INF2: variants seen among roughly 807,000 people sequenced by gnomAD.
The protein encoded by INF2 is inverted formin 2, also known as inverted formin-2.
INF2 carries 43 observed loss-of-function variants against 123.5 expected under a neutral mutation model. That is an observed-to-expected ratio of 0.35 (90% CI 0.27 to 0.45). The LOEUF (loss-of-function observed/expected upper bound fraction) is 0.45, where lower values mean the gene tolerates loss of function less well. Among genes scored for constraint, INF2 ranks in the 20% least tolerant of loss-of-function variants. The pLI, the probability that INF2 is intolerant of heterozygous loss-of-function variation, is 1.00. For synonymous variants in INF2, 851 were observed against 745.0 expected (o/e 1.14, Z -2.32); for missense variants, 1,453 against 1,682.7 (o/e 0.86, Z 2.39).
intron 1 of INF2, 93 bp downstream of exon 1, chr14:104,689,832 C>T (rs757547596): frequency 2.0e-4 from 149 of 761,300 alleles, no homozygotes; most frequent in Non-Finnish European, 2.3e-4. Context: ...AGCGAGGTTC[C>T]GGGCTGCGGC....
chr14:104,692,457 G>C (rs1889000827), intron 1 of INF2, among the ~76,000 whole-genome samples: 1 of 152,212 alleles, frequency 6.6e-6, no homozygotes, highest in African/African-American at 2.4e-5. Flanking sequence ...GCCCCACAGA[G>C]TAGCTGGAGG....
intron 21 of INF2, 24 bp downstream of exon 21, chr14:104,714,880 C>T: frequency 6.6e-7 from 1 of 1,514,472 alleles, no homozygotes; most frequent in Non-Finnish European, 8.8e-7. Context: ...GGGCCCCGGG[C>T]ACCGTCCCAC....
At position 104,699,697 on chromosome 14, in the gene INF2, C is replaced by T. The variant is rs911327810; in HGVS notation, c.-9-1660C>T. On this transcript the variant is annotated intron_variant, in intron 1 of 22. Transcript: ENST00000392634. This position sits in a 1 kb window ranked among gnomAD's most constrained non-coding sequence, Gnocchi z 4.7. ...GCTCCGGGCTCTCCGTTCTACAGTG[C>T]CCAGACCAGGACCCCCTGCAGGGAG... 95 of 618,598 alleles carry T rather than the reference C, an allele frequency of 1.5e-4. No homozygotes were observed. The highest frequency in any genetic ancestry group is 1.8e-4 in the Non-Finnish European group (91 of 495,148). 38.3% of individuals were successfully genotyped at this position (618,598 alleles called of 1,614,324 possible). A position where few individuals can be genotyped will look rare whatever the true frequency, so the allele number is the denominator to read the frequency against.
chr14:104,683,418 C>T (rs961909222), intron 1 of INF2, among the ~76,000 whole-genome samples: 1 of 101,996 alleles, frequency 9.8e-6, no homozygotes, highest in Non-Finnish European at 1.9e-5. Flanking sequence ...AGAAGGCTGG[C>T]ATCAGTGACC....
At chr14:104,693,481 A>T (rs1301224679) in intron 1 of INF2, among the ~76,000 whole-genome samples, 1 of 152,184 alleles carries the variant, frequency 6.6e-6, no homozygotes, top group Non-Finnish European at 1.5e-5. Flanking sequence ...AGGCTAACCC[A>T]GGGCACAGTT....
rs750206337 is a variant in INF2 at position 104,718,907 on chromosome 14, A to G, written c.*114A>G. On this transcript the variant is annotated 3_prime_UTR_variant, in exon 23 of 23. Coordinates refer to ENST00000392634, the MANE Select transcript of INF2 (RefSeq NM_022489.4). ...AGGCTGGGACTGGGCCCCGGAAACC[A>G]AAACTCCGTGCCTTACCCAGCCGGG... 1.7e-5 allele frequency: 26 copies of G among 1,544,356 alleles called. No individual in the cohort carries two copies. The highest frequency in any genetic ancestry group is 2.3e-5 in the Non-Finnish European group (26 of 1,153,090).
intron 5 of INF2, chr14:104,704,793 A>AT (rs1471383030): frequency 1.3e-5 from 2 of 152,138 alleles, no homozygotes; most frequent in African/African-American, 4.8e-5. Context: ...TAAAATAAAA[A>AT]TTTTTTAAAA....
At position 104,695,142 on chromosome 14, in the gene INF2, T is replaced by C. The variant is rs73345568; in HGVS notation, c.-10+5403T>C. ...CCCAGCAGACCCCCTGCAGGGTACG[T>C]CTGGGGCCTGCGATAGGCCAGCCCT... On this transcript the variant is annotated intron_variant, in intron 1 of 22. Transcript: ENST00000392634. Among the ~76,000 whole-genome samples, 1,234 of 152,158 alleles carry C rather than the reference T, an allele frequency of 8.1e-3. 14 individuals are homozygous for C. Among genetic ancestry groups the C allele is most frequent in the African/African-American group, 0.028 (1,155 of 41,506 alleles).
At chr14:104,681,975 G>C (rs1293115768) in intron 1 of INF2, among the ~76,000 whole-genome samples, 1 of 152,230 alleles carries the variant, frequency 6.6e-6, no homozygotes, top group Non-Finnish European at 1.5e-5. Context: ...GGAAGTGGGA[G>C]GGGCTGGGAG....
chr14:104,709,490 C>A, intron 11 of INF2, 107 bp downstream of exon 11: 1 of 1,261,566 alleles, frequency 7.9e-7, no homozygotes, highest in Non-Finnish European at 1.2e-6. Flanking sequence ...GCATCCCAGC[C>A]CTACCTCTGC....
At chr14:104,689,528 G>T, upstream of INF2, 1 of 103,444 alleles carries the variant, frequency 9.7e-6, no homozygotes, top group Non-Finnish European at 1.2e-5. Flanking sequence ...CCCAGGCCCC[G>T]CCCCCGGCCC....
At chr14:104,716,727 G>C (rs967364040) in intron 22 of INF2, among the ~76,000 whole-genome samples, 2 of 152,126 alleles carry the variant, frequency 1.3e-5, no homozygotes, top group African/African-American at 4.8e-5. Flanking sequence ...GTCTCACTCT[G>C]TTGCCCAGGC....
At chr14:104,715,392 G>A (rs920497978) in intron 22 of INF2, 52 bp downstream of exon 22, 2 of 1,523,700 alleles carry the variant, frequency 1.3e-6, no homozygotes, top group African/African-American at 1.4e-5. Flanking sequence ...GCAGGGCAGT[G>A]GGGCTGGAGC....
At position 104,706,954 on chromosome 14, in the gene INF2, G is replaced by A. The variant is rs748429861; in HGVS notation, c.888G>A (p.Gln296=). The A allele has an allele frequency of 6.9e-6, 11 of 1,602,776 alleles. No individual in the cohort carries two copies. In the South Asian group the frequency reaches 1.1e-4, roughly 16 times the overall value. The stretch of plus-strand genomic sequence containing the variant: ...CTGCCCAGCTCCTGTCGGTGCTGCA[G>A]GGCCTCCTGCACCTGGAGCCCACCC... ...PVSAQLLSVL[Q]GLLHLEPTLR... is the part of the protein sequence containing the mutation. Residue 296 remains glutamine, a synonymous_variant, in exon 7 of 23, where the codon CAG becomes CAA. Coordinates refer to ENST00000392634, the MANE Select transcript of INF2 (RefSeq NM_022489.4).
chr14:104,707,119 G>A (rs1029416680), intron 7 of INF2, 68 bp downstream of exon 7: 35 of 1,518,196 alleles, frequency 2.3e-5, no homozygotes, highest in East Asian at 1.5e-4. Flanking sequence ...GACCATGGGG[G>A]GGGGAGCCTG....
chr14:104,715,254 G>A (rs765431711), intron 21 of INF2, 30 bp from the exon 22 acceptor site: 19 of 1,610,316 alleles, frequency 1.2e-5, no homozygotes, highest in African/African-American at 5.3e-5. Flanking sequence ...GTGATAAGCC[G>A]TTGAGTGCGT....
chr14:104,713,364 C>A (rs1013052811), intron 19 of INF2, 55 bp downstream of exon 19: 3 of 1,559,450 alleles, frequency 1.9e-6, no homozygotes, highest in Non-Finnish European at 2.6e-6. Context: ...CTTGTCTGTG[C>A]TCCAGCCTCC....
At chr14:104,714,178 T>C (rs1890184535) in intron 20 of INF2, 25 bp from the exon 21 acceptor site, 1 of 1,475,122 alleles carries the variant, frequency 6.8e-7, no homozygotes, top group African/African-American at 1.4e-5. Flanking sequence ...GTGCCTGCCC[T>C]TCACTGGTGT....
At chr14:104,700,976 C>G in intron 1 of INF2, 1 of 601,910 alleles carries the variant, frequency 1.7e-6, no homozygotes, top group Non-Finnish European at 2.1e-6. Flanking sequence ...GGGTAATGTT[C>G]CAGCCAGGGG....
Sources: allele counts gnomAD v4.1 joint callset (sites outside exome capture counted in the v4.1 genomes callset), GRCh38; gene constraint gnomAD v4.1.1; non-coding constraint Gnocchi (gnomAD v3.1); transcripts MANE v1.5; gene names NCBI Gene and HGNC (gene_info 2026-07-23, HGNC 2026-07-21).